The following CNTNAP2 variants were observed in gnomAD, a reference collection of about 807,000 sequenced individuals.
The protein encoded by CNTNAP2 is contactin associated protein 2.
A neutral mutation model predicts 155.2 loss-of-function variants in CNTNAP2; 98 were observed. The ratio of observed to expected loss-of-function variants is 0.63; its 90% confidence interval spans 0.54 to 0.75. CNTNAP2 has a LOEUF of 0.75. Among genes scored for constraint, CNTNAP2 ranks in the 30% least tolerant of loss-of-function variants. The pLI is 0.00. For missense variants in CNTNAP2, 1,727 were observed against 1,688.1 expected (o/e 1.02, Z -0.40); for synonymous variants, 651 against 631.2 (o/e 1.03, Z -0.47).
intron 13 of CNTNAP2, among the ~76,000 whole-genome samples, chr7:147,900,764 C>T (rs574634921): frequency 2.0e-5 from 3 of 152,102 alleles, no homozygotes; most frequent in African/African-American, 7.2e-5. Context: ...CTAGAGGCGC[C>T]TGCCACTGTG....
At chr7:147,228,184 A>G (rs1184557696) in intron 8 of CNTNAP2, among the ~76,000 whole-genome samples, 1 of 152,222 alleles carries the variant, frequency 6.6e-6, no homozygotes, top group African/African-American at 2.4e-5. Context: ...AAAGAATGAA[A>G]GTAAAAAGCT....
chr7:147,591,285 G>A (rs911354380), intron 12 of CNTNAP2, among the ~76,000 whole-genome samples: 1 of 152,176 alleles, frequency 6.6e-6, no homozygotes, highest in Non-Finnish European at 1.5e-5. Flanking sequence ...CAAGGTGTCT[G>A]TAGGTTTATT....
chr7:147,596,871 T>C (rs1800835150), intron 12 of CNTNAP2, among the ~76,000 whole-genome samples: 1 of 152,202 alleles, frequency 6.6e-6, no homozygotes, highest in Non-Finnish European at 1.5e-5. Flanking sequence ...AAAACCAAGA[T>C]GCAATGGGAG....
chr7:146,374,129 G>GT (rs1006726882), intron 1 of CNTNAP2, among the ~76,000 whole-genome samples: 1 of 151,844 alleles, frequency 6.6e-6, no homozygotes, highest in East Asian at 1.9e-4. Context: ...GGTTGGCTTT[G>GT]TTTTTTTGTT....
chr7:147,639,679 T>C (rs1795242873), intron 13 of CNTNAP2, among the ~76,000 whole-genome samples: 2 of 152,180 alleles, frequency 1.3e-5, no homozygotes, highest in Non-Finnish European at 2.9e-5. Context: ...ATTCTAAAAA[T>C]TGTCTACAGC....
At chr7:146,539,210 C>T (rs1797915029) in intron 1 of CNTNAP2, among the ~76,000 whole-genome samples, 1 of 151,938 alleles carries the variant, frequency 6.6e-6, no homozygotes, top group Admixed American at 6.6e-5. Flanking sequence ...TAGTATTCTG[C>T]AACCCCTGTG....
chr7:146,504,498 C>T (rs966499110), intron 1 of CNTNAP2, among the ~76,000 whole-genome samples: 1 of 152,194 alleles, frequency 6.6e-6, no homozygotes, highest in Non-Finnish European at 1.5e-5. Context: ...CTATCAGGTT[C>T]TGCACTACCA....
At chr7:146,173,332 G>T (rs1023455525) in intron 1 of CNTNAP2, among the ~76,000 whole-genome samples, 2 of 151,956 alleles carry the variant, frequency 1.3e-5, no homozygotes, top group African/African-American at 4.8e-5. Flanking sequence ...TATGTATCTT[G>T]TTTTAATTTT....
intron 9 of CNTNAP2, among the ~76,000 whole-genome samples, chr7:147,325,014 A>G (rs1795425828): frequency 1.3e-5 from 2 of 152,328 alleles, no homozygotes; most frequent in South Asian, 2.1e-4. Context: ...TAGGAAAATA[A>G]ATGTATAGGC....
chr7:147,744,985 A>T (rs921052110), intron 13 of CNTNAP2, among the ~76,000 whole-genome samples: 4 of 152,194 alleles, frequency 2.6e-5, no homozygotes, highest in African/African-American at 9.7e-5. Flanking sequence ...AGATCAAGGG[A>T]CACCTAGTTC....
At chr7:146,171,392 C>A (rs1798388017) in intron 1 of CNTNAP2, among the ~76,000 whole-genome samples, 1 of 151,556 alleles carries the variant, frequency 6.6e-6, no homozygotes. Flanking sequence ...AGGGAAGCAC[C>A]AAAATGAATC....
intron 9 of CNTNAP2, among the ~76,000 whole-genome samples, chr7:147,317,309 C>A (rs1021154553): frequency 3.2e-4 from 49 of 152,220 alleles, no homozygotes; most frequent in Admixed American, 3.2e-3. Context: ...TTTCCACCCT[C>A]ACTGACTTCC....
At chr7:146,656,530 A>G (rs1362011943) in intron 1 of CNTNAP2, among the ~76,000 whole-genome samples, 1 of 152,150 alleles carries the variant, frequency 6.6e-6, no homozygotes, top group African/African-American at 2.4e-5. Flanking sequence ...AAGCATACGG[A>G]TGAGATTTTG....
chr7:147,791,697 T>A (rs1797822596), intron 13 of CNTNAP2, among the ~76,000 whole-genome samples: 1 of 152,160 alleles, frequency 6.6e-6, no homozygotes, highest in Non-Finnish European at 1.5e-5. Flanking sequence ...AAATGTGCCC[T>A]CAGCTAGCAG....
chr7:147,687,226 T>C (rs1437537520), intron 13 of CNTNAP2, among the ~76,000 whole-genome samples: 1 of 152,108 alleles, frequency 6.6e-6, no homozygotes, highest in Non-Finnish European at 1.5e-5. Context: ...TGATAATGTA[T>C]GTGAATGAAG....
chr7:146,486,422 T>G (rs1162933951), intron 1 of CNTNAP2, among the ~76,000 whole-genome samples: 2 of 152,112 alleles, frequency 1.3e-5, no homozygotes, highest in Non-Finnish European at 2.9e-5. Context: ...GTAGAGATAA[T>G]CATGCTAGGG....
At chr7:146,382,585 T>A (rs554313843) in intron 1 of CNTNAP2, among the ~76,000 whole-genome samples, 156 of 152,308 alleles carry the variant, frequency 1.0e-3, no homozygotes, top group South Asian at 9.7e-3. Context: ...GGTAGCTCCA[T>A]CTAGCAATTT....
intron 1 of CNTNAP2, among the ~76,000 whole-genome samples, chr7:146,719,775 C>A (rs1048226758): frequency 6.6e-6 from 1 of 151,626 alleles, no homozygotes; most frequent in Non-Finnish European, 1.5e-5. Context: ...GAAAGGTAAC[C>A]TTTTGATTTT....
At chr7:148,238,122 G>A (rs1016442921) in intron 20 of CNTNAP2, among the ~76,000 whole-genome samples, 9 of 152,162 alleles carry the variant, frequency 5.9e-5, no homozygotes, top group African/African-American at 1.9e-4. Context: ...AGGCCGAGGC[G>A]GGTGGATCAT....
Sources: allele counts gnomAD v4.1 joint callset (sites outside exome capture counted in the v4.1 genomes callset), GRCh38; gene constraint gnomAD v4.1.1; transcripts MANE v1.5; gene names NCBI Gene and HGNC (gene_info 2026-07-23, HGNC 2026-07-21).